The following MYO1E variants were observed in gnomAD, a reference collection of about 807,000 sequenced individuals.
The protein encoded by MYO1E is unconventional myosin-Ie.
In MYO1E, 68 loss-of-function variants were observed where a neutral mutation model predicts 151.1. The observed-to-expected ratio is 0.45, with a 90% CI of 0.37 to 0.55. The LOEUF is 0.55. Among genes scored for constraint, MYO1E ranks in the 20% least tolerant of loss-of-function variants. The pLI is 0.00. For missense variants in MYO1E, 1,363 were observed against 1,389.3 expected, an observed-to-expected ratio of 0.98 and a Z score of 0.30; for synonymous variants, 601 against 501.7, an observed-to-expected ratio of 1.20 and a Z score of -2.64.
At position 59,214,692 on chromosome 15, in the gene MYO1E, T is replaced by C; in HGVS notation, c.1136A>G (p.His379Arg). The C allele has an allele frequency of 6.2e-7, 1 of 1,613,888 alleles. No homozygotes were observed. The highest frequency in any genetic ancestry group is 8.5e-7 in the Non-Finnish European group (1 of 1,179,740). ...DSINKAMEKD[H>R]EEYNIGVLDI... ...TAGGACGCCAATGTTGTATTCTTCA[T>C]GGTCTTTCTCCATGGCTTTATTGAT... is the stretch of plus-strand genomic sequence containing the variant. Residue 379 changes from histidine (H) to arginine (R), a missense_variant, in exon 11 of 28, where the codon CAT (histidine) becomes CGT (arginine). Coordinates refer to ENST00000288235, the MANE Select transcript of MYO1E (RefSeq NM_004998.4).
chr15:59,290,772 T>C (rs59057280), intron 1 of MYO1E, among the ~76,000 whole-genome samples: 6,533 of 152,260 alleles, frequency 0.043, 441 homozygotes, highest in African/African-American at 0.14. Flanking sequence ...TTTAACATAG[T>C]TTCCAAAGTC....
At chr15:59,356,735 A>G (rs1035297073) in intron 1 of MYO1E, among the ~76,000 whole-genome samples, 2 of 151,932 alleles carry the variant, frequency 1.3e-5, no homozygotes, top group Admixed American at 6.6e-5. Flanking sequence ...GTAACACCAC[A>G]ACCGGCTATT....
chr15:59,322,126 G>A (rs867672503), intron 1 of MYO1E, among the ~76,000 whole-genome samples: 10 of 151,216 alleles, frequency 6.6e-5, no homozygotes, highest in African/African-American at 2.4e-4. Flanking sequence ...AGTGAGCCAA[G>A]TTCACACCAC....
At chr15:59,189,367 C>T (rs574670863) in intron 17 of MYO1E, among the ~76,000 whole-genome samples, 1 of 151,974 alleles carries the variant, frequency 6.6e-6, no homozygotes, top group African/African-American at 2.4e-5. Flanking sequence ...CGTGTTTCTT[C>T]CTTTCCTTTC....
chr15:59,278,320 T>C (rs190953372), intron 1 of MYO1E, among the ~76,000 whole-genome samples: 35 of 152,310 alleles, frequency 2.3e-4, no homozygotes, highest in Admixed American at 3.9e-4. Context: ...CGGTGAACAA[T>C]GGACAATGGG....
intron 1 of MYO1E, among the ~76,000 whole-genome samples, chr15:59,366,607 T>A (rs536836137): frequency 3.3e-5 from 5 of 152,306 alleles, no homozygotes; most frequent in Non-Finnish European, 7.3e-5. Flanking sequence ...CGGGCCAACT[T>A]CATTCACATG....
intron 4 of MYO1E, among the ~76,000 whole-genome samples, chr15:59,244,612 C>G (rs1433348219): frequency 6.6e-6 from 1 of 152,144 alleles, no homozygotes; most frequent in Non-Finnish European, 1.5e-5. Context: ...CTAACACCTG[C>G]TGGCTCAAAG....
chr15:59,247,332 T>C (rs1182078110), intron 4 of MYO1E, among the ~76,000 whole-genome samples: 2 of 152,152 alleles, frequency 1.3e-5, no homozygotes, highest in Non-Finnish European at 2.9e-5. Context: ...AGCTATTACA[T>C]CTCCATTAAA....
At chr15:59,274,076 AAC>A (rs1435798420) in intron 1 of MYO1E, among the ~76,000 whole-genome samples, 1 of 149,384 alleles carries the variant, frequency 6.7e-6, no homozygotes, top group Admixed American at 6.8e-5. Context: ...TTCGATGGGA[AAC>A]ACAGATCCTT....
At chr15:59,355,487 A>G (rs1280607551) in intron 1 of MYO1E, among the ~76,000 whole-genome samples, 4 of 152,332 alleles carry the variant, frequency 2.6e-5, no homozygotes, top group African/African-American at 9.6e-5. Context: ...GGAGCTGGAA[A>G]TGGACTCTAA....
intron 12 of MYO1E, among the ~76,000 whole-genome samples, chr15:59,213,056 G>A (rs567362172): frequency 1.9e-4 from 29 of 152,212 alleles, no homozygotes; most frequent in African/African-American, 5.3e-4. Flanking sequence ...CACTCAGTTT[G>A]TGGTGCTTTG....
At chr15:59,357,236 A>G (rs1346965887) in intron 1 of MYO1E, among the ~76,000 whole-genome samples, 1 of 151,838 alleles carries the variant, frequency 6.6e-6, no homozygotes, top group African/African-American at 2.4e-5. Flanking sequence ...AGTATCATAT[A>G]CTCAAGTATT....
At chr15:59,178,101 G>A (rs1248668047) in intron 19 of MYO1E, among the ~76,000 whole-genome samples, 2 of 152,256 alleles carry the variant, frequency 1.3e-5, no homozygotes, top group East Asian at 1.9e-4. Context: ...CTCCAGGAGT[G>A]TAGCAGCTAG....
intron 26 of MYO1E, among the ~76,000 whole-genome samples, chr15:59,150,187 T>C (rs762960617): frequency 1.2e-4 from 19 of 152,218 alleles, no homozygotes; most frequent in Non-Finnish European, 1.9e-4. Flanking sequence ...TGCCTACTAA[T>C]TGTGTTTTAC....
intron 1 of MYO1E, among the ~76,000 whole-genome samples, chr15:59,289,887 C>G (rs373692241): frequency 1.3e-5 from 2 of 152,262 alleles, no homozygotes; most frequent in East Asian, 1.9e-4. Flanking sequence ...TTTGCATTTC[C>G]TTCTCCAAGA....
chr15:59,265,854 C>T (rs1015682409), intron 2 of MYO1E, among the ~76,000 whole-genome samples: 5 of 149,698 alleles, frequency 3.3e-5, no homozygotes, highest in Admixed American at 2.7e-4. Context: ...GTAGTCCCAG[C>T]TACTTGGGAG....
chr15:59,253,522 G>A (rs768998355), intron 4 of MYO1E, among the ~76,000 whole-genome samples: 8 of 134,802 alleles, frequency 5.9e-5, no homozygotes, highest in South Asian at 2.4e-4. Flanking sequence ...TCACTCTGTC[G>A]CCAGGCTTGA....
chr15:59,171,447 A>G (rs1394568860), intron 22 of MYO1E, among the ~76,000 whole-genome samples: 1 of 152,088 alleles, frequency 6.6e-6, no homozygotes, highest in Non-Finnish European at 1.5e-5. Context: ...GAGAATGGAG[A>G]CCAACTTGCA....
intron 1 of MYO1E, among the ~76,000 whole-genome samples, chr15:59,351,758 C>G (rs1386876451): frequency 6.6e-5 from 10 of 152,182 alleles, no homozygotes; most frequent in African/African-American, 2.4e-4. Flanking sequence ...ATGGCAGGAG[C>G]AAGGCAGGGA....
Sources: gnomAD v4.1 joint callset for allele counts (sites outside exome capture counted in the v4.1 genomes callset) on GRCh38, gnomAD v4.1.1 for gene constraint, MANE v1.5 for transcripts, NCBI Gene and HGNC (gene_info 2026-07-23, HGNC 2026-07-21) for gene names.